Variants in CDYL2 observed in about 807,000 individuals in gnomAD.
CDYL2 encodes chromodomain Y like 2, also known as chromodomain Y-like protein 2.
In CDYL2, 23 loss-of-function variants were observed where a neutral mutation model predicts 49.4. The ratio of observed to expected loss-of-function variants is 0.47; its 90% CI spans 0.34 to 0.66. CDYL2 has a LOEUF of 0.66. CDYL2 is among the 30% of genes least tolerant of loss of function. CDYL2 has a pLI of 0.01. For synonymous variants in CDYL2, 360 were observed against 268.8 expected (o/e 1.34, Z -3.32); for missense variants, 678 against 656.4 (o/e 1.03, Z -0.36).
chr16:80,723,984 A>C (rs1221372372), intron 1 of CDYL2, among the ~76,000 whole-genome samples: 13 of 142,830 alleles, frequency 9.1e-5, no homozygotes, highest in Admixed American at 8.9e-4. Context: ...AGAGAGGAAG[A>C]AGCAAGGAGA....
At chr16:80,691,347 G>A (rs1264045923) in intron 1 of CDYL2, among the ~76,000 whole-genome samples, 7 of 152,202 alleles carry the variant, frequency 4.6e-5, no homozygotes, top group Non-Finnish European at 7.3e-5. Flanking sequence ...AAATCCAGAA[G>A]ACTTAGATTG....
rs763194077 is a variant in CDYL2, at chr16:80,712,215, A to ATATATATATATATATATATG, written c.25-27087_25-27086insCATATATATATATATATATA. On this transcript the variant is annotated intron_variant, in intron 1 of 6. Coordinates refer to ENST00000570137, the MANE Select transcript of CDYL2 (RefSeq NM_152342.4). ...TGTATATATATATATATATATATAT[A>ATATATATATATATATATATG]TCTCCAAACCACTGCTCACTGTGAT... Among the ~76,000 whole-genome samples, 362 of 128,304 alleles carry ATATATATATATATATATATG rather than the reference A, an allele frequency of 2.8e-3. 1 individual carries two copies. The highest frequency in any genetic ancestry group is 3.6e-3 in the Non-Finnish European group (204 of 56,946). 84.2% of individuals were successfully genotyped at this position (128,304 alleles called of 152,430 possible). A position where few individuals can be genotyped will look rare whatever the true frequency, so the allele number is the denominator to read the frequency against.
chr16:80,762,358 G>C (rs1450398218), intron 1 of CDYL2, among the ~76,000 whole-genome samples: 1 of 152,178 alleles, frequency 6.6e-6, no homozygotes, highest in Non-Finnish European at 1.5e-5. Context: ...GTGCAAAGAG[G>C]TGAGCCAGGC....
At chr16:80,667,542 T>C (rs1250741005) in intron 2 of CDYL2, among the ~76,000 whole-genome samples, 1 of 152,176 alleles carries the variant, frequency 6.6e-6, no homozygotes, top group Non-Finnish European at 1.5e-5. Context: ...CCCCACAATA[T>C]CTTCTGCATG....
At chr16:80,642,336 G>A (rs1395616197) in intron 2 of CDYL2, among the ~76,000 whole-genome samples, 2 of 152,134 alleles carry the variant, frequency 1.3e-5, no homozygotes, top group East Asian at 3.9e-4. Flanking sequence ...CCAGCTACTT[G>A]GGAGGCTGAG....
At chr16:80,632,145 A>C (rs1275587134) in intron 3 of CDYL2, among the ~76,000 whole-genome samples, 1 of 152,240 alleles carries the variant, frequency 6.6e-6, no homozygotes, top group African/African-American at 2.4e-5. Flanking sequence ...ATCCATAAAA[A>C]TCAAAAGTAG....
chr16:80,606,845 T>C (rs1443223683), intron 6 of CDYL2, among the ~76,000 whole-genome samples: 2 of 150,408 alleles, frequency 1.3e-5, no homozygotes, highest in South Asian at 2.1e-4. Flanking sequence ...TTTCACTTGG[T>C]TGTCACTTCT....
At chr16:80,635,360 T>G (rs1021198907) in intron 2 of CDYL2, among the ~76,000 whole-genome samples, 3 of 152,122 alleles carry the variant, frequency 2.0e-5, no homozygotes, top group African/African-American at 7.2e-5. Context: ...ATAAACAACT[T>G]CAGCAAAGTC....
At chr16:80,683,835 C>T (rs1235322896) in intron 2 of CDYL2, among the ~76,000 whole-genome samples, 1 of 152,186 alleles carries the variant, frequency 6.6e-6, no homozygotes, top group Non-Finnish European at 1.5e-5. Flanking sequence ...AGGCCCTCAC[C>T]CGATGCAGCA....
chr16:80,727,955 C>A (rs959121125), intron 1 of CDYL2, among the ~76,000 whole-genome samples: 1 of 152,126 alleles, frequency 6.6e-6, no homozygotes, highest in Non-Finnish European at 1.5e-5. Flanking sequence ...CTGTACATCA[C>A]CATCATCAAA....
chr16:80,788,875 A>G (rs1277782958), intron 1 of CDYL2, among the ~76,000 whole-genome samples: 1 of 152,218 alleles, frequency 6.6e-6, no homozygotes, highest in African/African-American at 2.4e-5. Context: ...CCCAGAATCT[A>G]CAAAGAACTC....
intron 1 of CDYL2, among the ~76,000 whole-genome samples, chr16:80,766,243 G>T (rs1055507970): frequency 1.2e-4 from 18 of 152,016 alleles, no homozygotes; most frequent in African/African-American, 4.3e-4. Context: ...GGGATAAATT[G>T]TACAGTATGT....
chr16:80,723,207 C>G (rs960612961), intron 1 of CDYL2, among the ~76,000 whole-genome samples: 1 of 152,218 alleles, frequency 6.6e-6, no homozygotes, highest in Non-Finnish European at 1.5e-5. Flanking sequence ...GAAGCCATCT[C>G]AAGGCATCTC....
intron 3 of CDYL2, among the ~76,000 whole-genome samples, chr16:80,624,272 T>A (rs1486341863): frequency 6.6e-6 from 1 of 152,118 alleles, no homozygotes; most frequent in Non-Finnish European, 1.5e-5. Flanking sequence ...GCTACCTATT[T>A]GCCATACCAC....
chr16:80,690,303 G>A (rs1046843556), intron 1 of CDYL2, among the ~76,000 whole-genome samples: 2 of 151,972 alleles, frequency 1.3e-5, no homozygotes, highest in African/African-American at 2.4e-5. Context: ...CTGTAGAGAT[G>A]AGAAGGACTG....
At chr16:80,614,822 C>A (rs1354326267) in intron 4 of CDYL2, among the ~76,000 whole-genome samples, 1 of 148,508 alleles carries the variant, frequency 6.7e-6, no homozygotes, top group Non-Finnish European at 1.5e-5. Flanking sequence ...CGAGATCGGG[C>A]CACTGCATTC....
At chr16:80,743,736 A>AAT (rs1323518916) in intron 1 of CDYL2, among the ~76,000 whole-genome samples, 6 of 152,014 alleles carry the variant, frequency 3.9e-5, no homozygotes, top group African/African-American at 1.5e-4. Context: ...GATTTTCTAT[A>AAT]ATATATATCA....
intron 2 of CDYL2, among the ~76,000 whole-genome samples, chr16:80,633,479 C>A (rs1381619037): frequency 6.6e-6 from 1 of 152,204 alleles, no homozygotes; most frequent in African/African-American, 2.4e-5. Context: ...CGGTCCTCTA[C>A]TCTCTTCTCC....
chr16:80,689,844 G>A (rs149370247), intron 1 of CDYL2, among the ~76,000 whole-genome samples: 70 of 152,304 alleles, frequency 4.6e-4, no homozygotes, highest in African/African-American at 1.5e-3. Flanking sequence ...CTCTGGGCCA[G>A]GCACGGTGAC....
Sources: allele counts gnomAD v4.1 joint callset (sites outside exome capture counted in the v4.1 genomes callset), GRCh38; gene constraint gnomAD v4.1.1; transcripts MANE v1.5; gene names NCBI Gene and HGNC (gene_info 2026-07-23, HGNC 2026-07-21).